CNTNAP4: variants seen among roughly 807,000 people sequenced by gnomAD.
CNTNAP4 encodes contactin associated protein family member 4, also known as contactin-associated protein-like 4.
CNTNAP4 carries 98 observed loss-of-function variants against 148.4 expected under a neutral mutation model. The ratio of observed to expected loss-of-function variants is 0.66; its 90% CI spans 0.56 to 0.78. The LOEUF is 0.78. Among genes scored for constraint, CNTNAP4 ranks in the 30% least tolerant of loss-of-function variants. The pLI is 0.00. For missense variants in CNTNAP4, 1,935 were observed against 1,565.6 expected (o/e 1.24, Z -3.98); for synonymous variants, 730 against 565.1 (o/e 1.29, Z -4.14).
At chr16:76,449,986 G>T in intron 7 of CNTNAP4, 128 bp downstream of exon 7, 1 of 732,406 alleles carries the variant, frequency 1.4e-6, no homozygotes, top group South Asian at 2.1e-5. Flanking sequence ...ATTTTTCTTT[G>T]ATTGGCAATA....
intron 3 of CNTNAP4, among the ~76,000 whole-genome samples, chr16:76,386,333 A>C (rs1385011047): frequency 5.3e-5 from 8 of 152,172 alleles, no homozygotes; most frequent in African/African-American, 1.9e-4. Flanking sequence ...AAAATGAGCA[A>C]TTTTTTAAAA....
chr16:76,468,889 A>G lies in CNTNAP4; in HGVS notation c.1655+1366A>G, dbSNP rs115296118. Among the ~76,000 whole-genome samples the G allele has an allele frequency of 5.4e-3, 830 of 152,334 alleles. 9 individuals carry two copies. Among genetic ancestry groups the G allele is most frequent in the African/African-American group, 0.019 (774 of 41,580 alleles). ...ATTATTGAGTTTAATGGAATGCCAT[A>G]ACCATTACAGATTAAACAATTTTTA... On this transcript the variant is annotated intron_variant, in intron 10 of 23. Transcript: ENST00000611870.
intron 23 of CNTNAP4, among the ~76,000 whole-genome samples, chr16:76,554,536 G>C (rs963327712): frequency 6.6e-6 from 1 of 151,946 alleles, no homozygotes; most frequent in Non-Finnish European, 1.5e-5. Flanking sequence ...AAATGTGACA[G>C]CATATTCTCT....
intron 3 of CNTNAP4, among the ~76,000 whole-genome samples, chr16:76,407,743 T>C (rs1004002099): frequency 1.3e-5 from 2 of 152,068 alleles, no homozygotes; most frequent in Non-Finnish European, 2.9e-5. Context: ...ATGAACATAG[T>C]TGAAATGACA....
At chr16:76,314,485 T>TA (rs1961490092) in intron 1 of CNTNAP4, among the ~76,000 whole-genome samples, 1 of 152,264 alleles carries the variant, frequency 6.6e-6, no homozygotes, top group Admixed American at 6.5e-5. Context: ...TTAGAAAAGA[T>TA]CATGGGGAGA....
At chr16:76,477,653 A>T (rs529284015) in intron 11 of CNTNAP4, among the ~76,000 whole-genome samples, 1 of 152,162 alleles carries the variant, frequency 6.6e-6, no homozygotes, top group African/African-American at 2.4e-5. Flanking sequence ...TTTATGAAGA[A>T]TATTGGCTGG....
intron 2 of CNTNAP4, among the ~76,000 whole-genome samples, chr16:76,339,041 T>G (rs1567762414): frequency 1.3e-5 from 2 of 152,178 alleles, no homozygotes; most frequent in East Asian, 3.8e-4. Context: ...TAGAATGATA[T>G]TAATAAGCCC....
At chr16:76,382,988 T>G (rs1027908028) in intron 3 of CNTNAP4, among the ~76,000 whole-genome samples, 16 of 152,316 alleles carry the variant, frequency 1.1e-4, no homozygotes, top group African/African-American at 3.8e-4. Context: ...AACATCAAGT[T>G]AAACATTAAT....
chr16:76,490,793 C>T (rs963764614), intron 13 of CNTNAP4, among the ~76,000 whole-genome samples: 32 of 152,164 alleles, frequency 2.1e-4, no homozygotes, highest in African/African-American at 7.2e-4. Context: ...ATACAACCCT[C>T]GTGCCACCCT....
chr16:76,380,382 C>G (rs74026756), intron 3 of CNTNAP4, among the ~76,000 whole-genome samples: 5,423 of 152,220 alleles, frequency 0.036, 293 homozygotes, highest in African/African-American at 0.12. Context: ...GTCTCTCAGT[C>G]TCATTGATAA....
chr16:76,322,307 T>C (rs554540124), intron 2 of CNTNAP4, among the ~76,000 whole-genome samples: 1 of 152,236 alleles, frequency 6.6e-6, no homozygotes, highest in Non-Finnish European at 1.5e-5. Context: ...CTCTTGATAT[T>C]GAGATGGGGG....
At chr16:76,440,266 A>G (rs1314270593) in intron 4 of CNTNAP4, among the ~76,000 whole-genome samples, 3 of 152,100 alleles carry the variant, frequency 2.0e-5, no homozygotes, top group Non-Finnish European at 2.9e-5. Flanking sequence ...GTCTTTTTCA[A>G]TCACTCTTTC....
intron 9 of CNTNAP4, among the ~76,000 whole-genome samples, chr16:76,465,750 A>T (rs1207340231): frequency 6.6e-6 from 1 of 152,202 alleles, no homozygotes; most frequent in Non-Finnish European, 1.5e-5. Context: ...TGTGTGTAGT[A>T]CCATGTACAA....
intron 5 of CNTNAP4, 118 bp downstream of exon 5, chr16:76,448,333 C>A (rs2080327010): frequency 2.9e-6 from 2 of 689,002 alleles, no homozygotes; most frequent in South Asian, 4.1e-5. Flanking sequence ...GATTCAAGGG[C>A]TTGTACATAT....
chr16:76,407,802 G>A (rs1568038936), intron 3 of CNTNAP4, among the ~76,000 whole-genome samples: 1 of 152,116 alleles, frequency 6.6e-6, no homozygotes, highest in Non-Finnish European at 1.5e-5. Flanking sequence ...AGCAGTGGCA[G>A]GGTTTGAGAG....
intron 1 of CNTNAP4, among the ~76,000 whole-genome samples, chr16:76,291,152 G>A (rs925265388): frequency 2.6e-5 from 4 of 152,160 alleles, no homozygotes; most frequent in African/African-American, 9.6e-5. Flanking sequence ...GTATAATTCA[G>A]TCCATAACAG....
chr16:76,398,440 C>T (rs891452623), intron 3 of CNTNAP4, among the ~76,000 whole-genome samples: 3 of 152,128 alleles, frequency 2.0e-5, no homozygotes, highest in Admixed American at 6.5e-5. Context: ...GTGCACCTAC[C>T]GTGTCTTCCC....
chr16:76,475,547 T>G (rs1409576429), intron 10 of CNTNAP4, among the ~76,000 whole-genome samples: 1 of 152,220 alleles, frequency 6.6e-6, no homozygotes, highest in Non-Finnish European at 1.5e-5. Context: ...TCTGTCTTCC[T>G]TTTTTCTTTT....
intron 23 of CNTNAP4, among the ~76,000 whole-genome samples, chr16:76,554,433 T>G (rs2085105099): frequency 6.6e-6 from 1 of 152,194 alleles, no homozygotes; most frequent in Admixed American, 6.5e-5. Flanking sequence ...CAGTTGTATT[T>G]TTATCAAATA....
Sources: gnomAD v4.1 joint callset for allele counts (sites outside exome capture counted in the v4.1 genomes callset) on GRCh38, gnomAD v4.1.1 for gene constraint, MANE v1.5 for transcripts, NCBI Gene and HGNC (gene_info 2026-07-23, HGNC 2026-07-21) for gene names.